PARD3: variants seen among roughly 807,000 people sequenced by gnomAD.
PARD3 encodes par-3 family cell polarity regulator, also known as partitioning defective 3 homolog.
Under a neutral mutation model 155.4 loss-of-function variants are expected in PARD3, and 75 were observed. The observed-to-expected ratio is 0.48, with a 90% CI of 0.40 to 0.58. PARD3 has a LOEUF of 0.58. PARD3 is among the 20% of genes least tolerant of loss of function. The pLI, the probability that PARD3 is intolerant of heterozygous loss-of-function variation, is 0.00. For synonymous variants in PARD3, 576 were observed against 610.5 expected (o/e 0.94, Z 0.83); for missense variants, 1,642 against 1,721.7 (o/e 0.95, Z 0.82).
chr10:34,207,203 C>A (rs16935231), intron 22 of PARD3, among the ~76,000 whole-genome samples: 14,814 of 152,154 alleles, frequency 0.097, 2,431 homozygotes, highest in African/African-American at 0.34. Context: ...CACACAGGGG[C>A]TCATGATGAG....
chr10:34,692,657 C>T (rs893627044), intron 2 of PARD3, among the ~76,000 whole-genome samples: 3 of 152,106 alleles, frequency 2.0e-5, no homozygotes, highest in South Asian at 2.1e-4. Context: ...GGTGGATCAC[C>T]TGAGGTCAGG....
rs765686445 is a variant in PARD3 at position 34,526,080 on chromosome 10, C to CAAAAA, written c.223-8926_223-8922dup. On this transcript the variant is annotated intron_variant, in intron 2 of 24. Transcript: ENST00000374788. ...CTGGTGGCAGAGAGAGACTCCGTAT[C>CAAAAA]AAAAAAAAAAAAAAAAAAAAAAAAA... Among the ~76,000 whole-genome samples, 13 of 51,826 alleles carry CAAAAA rather than the reference C, an allele frequency of 2.5e-4. 1 individual carries two copies. Among genetic ancestry groups the CAAAAA allele is most frequent in the Non-Finnish European group, 3.6e-4 (10 of 27,476 alleles). 34.0% of individuals were successfully genotyped at this position (51,826 alleles called of 152,430 possible).
At chr10:34,686,695 C>T (rs563784719) in intron 2 of PARD3, among the ~76,000 whole-genome samples, 2 of 151,288 alleles carry the variant, frequency 1.3e-5, no homozygotes, top group African/African-American at 2.4e-5. Context: ...GAACTGTGAT[C>T]GTACCATTGC....
chr10:34,340,363 G>C (rs560040917), intron 16 of PARD3, among the ~76,000 whole-genome samples: 1 of 152,272 alleles, frequency 6.6e-6, no homozygotes, highest in Admixed American at 6.5e-5. Flanking sequence ...TTTTCAGAAA[G>C]AGATATGAGA....
At chr10:34,712,794 ATGGTTGAAAAGGTAT>A (rs1382080298) in intron 1 of PARD3, among the ~76,000 whole-genome samples, 2 of 151,972 alleles carry the variant, frequency 1.3e-5, no homozygotes, top group African/African-American at 2.4e-5. Flanking sequence ...GGGTGAGGAG[ATGGTTGAAAAGGTAT>A]TGGGTACTAT....
chr10:34,652,818 C>A (rs2093052080), intron 2 of PARD3, among the ~76,000 whole-genome samples: 1 of 152,186 alleles, frequency 6.6e-6, no homozygotes, highest in Non-Finnish European at 1.5e-5. Flanking sequence ...CATGTGAATT[C>A]TTTAGTTATA....
intron 5 of PARD3, among the ~76,000 whole-genome samples, chr10:34,403,061 T>A (rs1206068178): frequency 6.6e-6 from 1 of 152,172 alleles, no homozygotes; most frequent in Admixed American, 6.6e-5. Flanking sequence ...GGAGGCATAG[T>A]CTTTGGCACC....
At chr10:34,122,696 G>A (rs908487114) in intron 23 of PARD3, among the ~76,000 whole-genome samples, 2 of 152,128 alleles carry the variant, frequency 1.3e-5, no homozygotes, top group East Asian at 1.9e-4. Flanking sequence ...TTGCATACAT[G>A]ACCAGCCCAG....
At chr10:34,470,333 T>C (rs1589690533) in intron 3 of PARD3, 70 bp from the exon 4 acceptor site, 3 of 1,157,894 alleles carry the variant, frequency 2.6e-6, no homozygotes, top group Non-Finnish European at 3.6e-6. Flanking sequence ...TAGGAGAACG[T>C]AGGGAAATCC....
chr10:34,605,937 A>C (rs1312811800), intron 2 of PARD3, among the ~76,000 whole-genome samples: 1 of 123,054 alleles, frequency 8.1e-6, no homozygotes, highest in Non-Finnish European at 1.6e-5. Flanking sequence ...TCTCCTATAT[A>C]TATATATCTC....
intron 1 of PARD3, among the ~76,000 whole-genome samples, chr10:34,786,281 C>A (rs1340589749): frequency 6.6e-6 from 1 of 152,224 alleles, no homozygotes; most frequent in African/African-American, 2.4e-5. Context: ...AGAGTTTCCA[C>A]TACATGTTAT....
At chr10:34,227,356 C>T (rs1450603429) in intron 22 of PARD3, among the ~76,000 whole-genome samples, 1 of 152,218 alleles carries the variant, frequency 6.6e-6, no homozygotes, top group East Asian at 1.9e-4. Flanking sequence ...AAAGTCAAGG[C>T]TGGGCGCTGT....
At chr10:34,315,906 A>G (rs529857667) in intron 20 of PARD3, among the ~76,000 whole-genome samples, 8 of 152,326 alleles carry the variant, frequency 5.3e-5, no homozygotes, top group Admixed American at 2.0e-4. Context: ...TTGTGTTAAT[A>G]TAAGTCTAGA....
At chr10:34,181,897 A>G (rs1010538588) in intron 22 of PARD3, among the ~76,000 whole-genome samples, 1 of 152,136 alleles carries the variant, frequency 6.6e-6, no homozygotes, top group Non-Finnish European at 1.5e-5. Flanking sequence ...AGGACAGGGT[A>G]AGGATAGAGG....
intron 20 of PARD3, among the ~76,000 whole-genome samples, chr10:34,301,287 T>C (rs1209420602): frequency 6.6e-6 from 1 of 152,216 alleles, no homozygotes; most frequent in Non-Finnish European, 1.5e-5. Context: ...TCACTCCATG[T>C]AGCCAAGACC....
intron 2 of PARD3, among the ~76,000 whole-genome samples, chr10:34,550,159 T>C (rs981094053): frequency 6.6e-6 from 1 of 152,196 alleles, no homozygotes; most frequent in Non-Finnish European, 1.5e-5. Context: ...GATGCACACA[T>C]GCATGGTGAG....
chr10:34,377,234 A>C (rs781126525), intron 10 of PARD3, among the ~76,000 whole-genome samples: 2 of 152,232 alleles, frequency 1.3e-5, no homozygotes, highest in Non-Finnish European at 2.9e-5. Context: ...AAAGCCATTT[A>C]GAAACGTAAC....
intron 14 of PARD3, among the ~76,000 whole-genome samples, chr10:34,357,120 CA>C (rs1224620094): frequency 3.9e-5 from 6 of 152,076 alleles, no homozygotes; most frequent in African/African-American, 1.4e-4. Context: ...GTGCTTTTAT[CA>C]AAACATTTTC....
rs189284753 is a variant in PARD3, at chr10:34,442,982, T to C, written c.714+7335A>G. Among the ~76,000 whole-genome samples, 280 of 152,244 alleles carry C rather than the reference T, an allele frequency of 1.8e-3. 1 individual carries two copies. The highest frequency in any genetic ancestry group is 0.017 in the Middle Eastern group (5 of 294). Reference sequence around the variant, plus strand: ...TAGATCTCAGGGAAATGAGATTTTTTTTTTTCACTTAGAAAAGGCTAGTAA... The same window carrying C: ...TAGATCTCAGGGAAATGAGATTTTTCTTTTTCACTTAGAAAAGGCTAGTAA... On this transcript the variant is annotated intron_variant, in intron 5 of 24. Coordinates refer to ENST00000374788, the MANE Select transcript of PARD3 (RefSeq NM_001184785.2).
Sources: gnomAD v4.1 joint callset for allele counts (sites outside exome capture counted in the v4.1 genomes callset) on GRCh38, gnomAD v4.1.1 for gene constraint, MANE v1.5 for transcripts, NCBI Gene and HGNC (gene_info 2026-07-23, HGNC 2026-07-21) for gene names.